Variants in PCDHA6 observed in about 807,000 individuals in gnomAD.
PCDHA6 encodes protocadherin alpha 6.
PCDHA6 carries 55 observed loss-of-function variants against 60.3 expected under a neutral mutation model. That is an observed-to-expected ratio of 0.91 (90% CI 0.73 to 1.14). The LOEUF is 1.14. Ranked by LOEUF, PCDHA6 falls within the 50% of genes most tolerant of loss-of-function variation. The pLI, the probability that PCDHA6 is intolerant of heterozygous loss-of-function variation, is 0.00. For synonymous variants in PCDHA6, 652 were observed against 557.9 expected (o/e 1.17, Z -2.38); for missense variants, 1,327 against 1,256.5 (o/e 1.06, Z -0.85).
intron 3 of PCDHA6, among the ~76,000 whole-genome samples, chr5:140,995,648 G>A (rs548703031): frequency 1.3e-5 from 2 of 152,248 alleles, no homozygotes; most frequent in South Asian, 2.1e-4. Flanking sequence ...TAGAAAAGGA[G>A]AATCGAAAAG....
chr5:140,840,846 C>A (rs1473721768), intron 1 of PCDHA6, among the ~76,000 whole-genome samples: 5 of 151,994 alleles, frequency 3.3e-5, no homozygotes, highest in Non-Finnish European at 5.9e-5. Flanking sequence ...TAATGCATTT[C>A]TTCCACACGA....
intron 1 of PCDHA6, chr5:140,866,579 G>A (rs2049440989): frequency 6.6e-6 from 1 of 152,136 alleles, no homozygotes; most frequent in African/African-American, 2.4e-5. Context: ...ACAGTGGTTG[G>A]ATAATGTAAT....
intron 1 of PCDHA6, chr5:140,967,750 C>A (rs782284231): frequency 1.4e-5 from 22 of 1,614,072 alleles, no homozygotes; most frequent in Non-Finnish European, 1.7e-6. Flanking sequence ...ATGAGGAAGC[C>A]TCCTCCTACC....
intron 1 of PCDHA6, chr5:140,849,852 C>G: frequency 3.8e-6 from 6 of 1,598,608 alleles, no homozygotes; most frequent in Non-Finnish European, 5.1e-6. Flanking sequence ...CGACAACGCA[C>G]CAGCGTTCGC....
Position 140,829,594 on chromosome 5 carries a change from G to A in PCDHA6, c.1503G>A (p.Glu501=), listed in dbSNP as rs141465004. ...SYSLVERRVG[E]RALSSYISVH... Reference sequence around the variant, plus strand: ...CGCTGGTGGAGCGGCGGGTGGGCGAGCGCGCGTTGTCGAGCTACATTTCGG... The same window carrying A: ...CGCTGGTGGAGCGGCGGGTGGGCGAACGCGCGTTGTCGAGCTACATTTCGG... Residue 501 remains glutamate (E), a synonymous_variant, in exon 1 of 4, where the codon GAG becomes GAA. Transcript: ENST00000529310. 1 of 1,611,864 alleles carries A rather than the reference G, an allele frequency of 6.2e-7. No homozygotes were observed. Among genetic ancestry groups the A allele is most frequent in the African/African-American group, 1.3e-5 (1 of 74,878 alleles).
Position 140,920,254 on chromosome 5 carries a change from A to G in PCDHA6, c.2395-58695A>G, listed in dbSNP as rs117923328. Reference sequence around the variant, plus strand: ...TATATACCCAACAATACATCGCTATAATAATTATTACTTTATGTAATCTTA... The same window carrying G: ...TATATACCCAACAATACATCGCTATGATAATTATTACTTTATGTAATCTTA... On this transcript the variant is annotated intron_variant, in intron 1 of 3. Transcript: ENST00000529310. Among the ~76,000 whole-genome samples the G allele has an allele frequency of 8.5e-5, 13 of 152,332 alleles. No individual in the cohort carries two copies. In the East Asian group the frequency reaches 2.5e-3, roughly 29 times the overall value.
chr5:140,900,180 T>G (rs1223345758), intron 1 of PCDHA6, among the ~76,000 whole-genome samples: 3 of 152,228 alleles, frequency 2.0e-5, no homozygotes, highest in Non-Finnish European at 4.4e-5. Context: ...CTGGTTTATG[T>G]CACTTATAAT....
chr5:140,896,280 G>A (rs940722689), intron 1 of PCDHA6, among the ~76,000 whole-genome samples: 1 of 152,206 alleles, frequency 6.6e-6, no homozygotes, highest in South Asian at 2.1e-4. Flanking sequence ...TTGCTGGCTT[G>A]AATGGTAAGT....
chr5:141,008,040 T>C (rs1408807855), intron 3 of PCDHA6, among the ~76,000 whole-genome samples: 1 of 152,200 alleles, frequency 6.6e-6, no homozygotes, highest in Admixed American at 6.5e-5. Context: ...ATCTGCCTTT[T>C]GTAACAGGGG....
intron 1 of PCDHA6, chr5:140,836,345 C>CG (rs1388004217): frequency 8.1e-6 from 13 of 1,613,572 alleles, no homozygotes; most frequent in Non-Finnish European, 9.3e-6. Flanking sequence ...TGAAGGACCA[C>CG]GGGGAGCCCT....
chr5:141,001,792 T>C (rs1442216091), intron 3 of PCDHA6, among the ~76,000 whole-genome samples: 3 of 152,192 alleles, frequency 2.0e-5, no homozygotes, highest in African/African-American at 7.2e-5. Context: ...AGCCTGAGTA[T>C]ATACTATCAT....
intron 1 of PCDHA6, among the ~76,000 whole-genome samples, chr5:140,838,076 T>C (rs13170073): frequency 3.2e-5 from 1 of 31,122 alleles, no homozygotes; most frequent in African/African-American, 2.4e-4. Flanking sequence ...TATATATATA[T>C]AGTGTGTGTG....
At position 140,842,903 on chromosome 5, in the gene PCDHA6, C is replaced by G. The variant is rs2150347593; in HGVS notation, c.2394+12418C>G. The G allele has an allele frequency of 1.9e-5, 31 of 1,594,262 alleles. 5 individuals carry two copies. Among genetic ancestry groups the G allele is most frequent in the African/African-American group, 2.7e-5 (2 of 74,310 alleles). ...GCTGCAGCCGCTGGACCACGAGGAG[C>G]TAGAGCTGCTGCAGTTCCAGGTGAG... On this transcript the variant is annotated intron_variant, in intron 1 of 3. Coordinates refer to ENST00000529310, the MANE Select transcript of PCDHA6 (RefSeq NM_018909.4).
intron 3 of PCDHA6, among the ~76,000 whole-genome samples, chr5:140,998,657 T>G (rs1252646330): frequency 6.6e-6 from 1 of 151,974 alleles, no homozygotes; most frequent in African/African-American, 2.4e-5. Flanking sequence ...CTCTGCCTCC[T>G]GGGTTCAAGT....
intron 3 of PCDHA6, 22 bp downstream of exon 3, chr5:140,982,585 ATTCT>A: frequency 6.2e-7 from 1 of 1,611,974 alleles, no homozygotes; most frequent in Non-Finnish European, 8.5e-7. Flanking sequence ...GGGTCTCTCC[ATTCT>A]TTCTTGGTTT....
At chr5:140,884,193 C>T (rs1554181316) in intron 1 of PCDHA6, 2 of 1,613,432 alleles carry the variant, frequency 1.2e-6, no homozygotes, top group African/African-American at 1.3e-5. Flanking sequence ...GAGGTGGACG[C>T]GCCGCACCAC....
At chr5:140,926,190 ACTT>A (rs1468050055) in intron 1 of PCDHA6, among the ~76,000 whole-genome samples, 2 of 151,766 alleles carry the variant, frequency 1.3e-5, no homozygotes, top group South Asian at 2.2e-4. Flanking sequence ...CCCCCGCAGC[ACTT>A]CTTTCGGGGG....
intron 1 of PCDHA6, chr5:140,966,542 G>A (rs926112867): frequency 3.7e-5 from 17 of 464,420 alleles, no homozygotes; most frequent in African/African-American, 1.8e-4. Flanking sequence ...GAGCGACTCG[G>A]AGGCGAGCGG....
chr5:140,840,441 T>C (rs1163219857), intron 1 of PCDHA6, among the ~76,000 whole-genome samples: 1 of 151,848 alleles, frequency 6.6e-6, no homozygotes, highest in Non-Finnish European at 1.5e-5. Context: ...GCCGTGGAAA[T>C]AGAAACGTTA....
Sources: gnomAD v4.1 joint callset for allele counts (sites outside exome capture counted in the v4.1 genomes callset) on GRCh38, gnomAD v4.1.1 for gene constraint, MANE v1.5 for transcripts, NCBI Gene and HGNC (gene_info 2026-07-23, HGNC 2026-07-21) for gene names.